The following CSMD1 variants were observed in gnomAD, a reference collection of about 807,000 sequenced individuals.
CSMD1 encodes CUB and sushi domain-containing protein 1.
A neutral mutation model predicts 417.5 loss-of-function variants in CSMD1; 213 were observed. The ratio of observed to expected loss-of-function variants is 0.51; its 90% confidence interval spans 0.46 to 0.57. The LOEUF (loss-of-function observed/expected upper bound fraction) is 0.57. Ranked by LOEUF, CSMD1 falls within the 20% of genes least tolerant of loss-of-function variation. CSMD1 has a pLI of 0.00. For synonymous variants in CSMD1, 2,862 were observed against 1,736.8 expected, an observed-to-expected ratio of 1.65 and a Z score of -16.11; for missense variants, 6,923 against 4,529.7, an observed-to-expected ratio of 1.53 and a Z score of -15.17.
chr8:3,402,816 T>A (rs1812120066), intron 15 of CSMD1, among the ~76,000 whole-genome samples: 1 of 152,116 alleles, frequency 6.6e-6, no homozygotes, highest in African/African-American at 2.4e-5. Context: ...ATTAATAGGA[T>A]CCTAATTTAT....
intron 6 of CSMD1, among the ~76,000 whole-genome samples, chr8:3,732,212 C>G (rs1796309683): frequency 6.6e-6 from 1 of 152,172 alleles, no homozygotes; most frequent in Non-Finnish European, 1.5e-5. Flanking sequence ...AGGACTCTAT[C>G]AATTTAGCAG....
chr8:4,362,967 A>T (rs892046430), intron 3 of CSMD1, among the ~76,000 whole-genome samples: 1 of 152,190 alleles, frequency 6.6e-6, no homozygotes, highest in Admixed American at 6.5e-5. Flanking sequence ...AATATCTAAA[A>T]ACTGCTATCA....
intron 3 of CSMD1, among the ~76,000 whole-genome samples, chr8:4,325,429 G>A (rs1799504877): frequency 6.6e-6 from 1 of 152,128 alleles, no homozygotes; most frequent in African/African-American, 2.4e-5. Context: ...ACAGAAGCCA[G>A]GCAATACATG....
At position 3,332,419 on chromosome 8, in the gene CSMD1, G is replaced by C. The variant is rs184627476; in HGVS notation, c.3631+10875C>G. ...AGGTGGGGCCTGAATTAGCTGGGAA[G>C]AGGAGAGGAGGGGCCTGGAAGGCCA... On this transcript the variant is annotated intron_variant, in intron 23 of 69. Coordinates refer to ENST00000635120, the MANE Select transcript of CSMD1 (RefSeq NM_033225.6). Among the ~76,000 whole-genome samples the C allele has an allele frequency of 2.8e-3, 434 of 152,360 alleles. 3 individuals are homozygous for C. Among genetic ancestry groups the C allele is most frequent in the African/African-American group, 0.01 (422 of 41,594 alleles).
intron 1 of CSMD1, among the ~76,000 whole-genome samples, chr8:4,798,554 GCTAAGGTGGAAAATAAA>G (rs1337578895): frequency 6.6e-6 from 1 of 152,158 alleles, no homozygotes; most frequent in Non-Finnish European, 1.5e-5. Flanking sequence ...TCACAGGCAA[GCTAAGGTGGAAAATAAA>G]CTCTCAAAAA....
At chr8:4,403,050 C>G (rs909926945) in intron 3 of CSMD1, among the ~76,000 whole-genome samples, 37 of 151,896 alleles carry the variant, frequency 2.4e-4, no homozygotes, top group Non-Finnish European at 4.0e-4. Flanking sequence ...CCAGGATGGT[C>G]TCAATCTCCT....
chr8:3,769,470 C>T (rs1159204461), intron 5 of CSMD1, among the ~76,000 whole-genome samples: 1 of 151,234 alleles, frequency 6.6e-6, no homozygotes, highest in African/African-American at 2.4e-5. Context: ...TGTTTTTCTT[C>T]CACAGTTGTT....
intron 5 of CSMD1, among the ~76,000 whole-genome samples, chr8:3,971,608 C>G (rs1278019075): frequency 6.6e-6 from 1 of 152,082 alleles, no homozygotes; most frequent in Non-Finnish European, 1.5e-5. Flanking sequence ...TTTTGACGGT[C>G]ACTTCTACTT....
At chr8:3,850,370 T>G (rs552032696) in intron 5 of CSMD1, among the ~76,000 whole-genome samples, 17 of 152,352 alleles carry the variant, frequency 1.1e-4, no homozygotes, top group African/African-American at 4.1e-4. Flanking sequence ...CTCTTTGTCC[T>G]GTAAGCACTG....
At chr8:3,604,149 C>A (rs1367457933) in intron 8 of CSMD1, among the ~76,000 whole-genome samples, 2 of 152,126 alleles carry the variant, frequency 1.3e-5, no homozygotes, top group Non-Finnish European at 2.9e-5. Flanking sequence ...AAACAAAGTT[C>A]TTCTCTCTAC....
At chr8:3,948,772 T>C (rs974216450) in intron 5 of CSMD1, among the ~76,000 whole-genome samples, 7 of 152,278 alleles carry the variant, frequency 4.6e-5, no homozygotes, top group African/African-American at 1.7e-4. Flanking sequence ...TTCTTCAATA[T>C]GACTATTACA....
intron 2 of CSMD1, among the ~76,000 whole-genome samples, chr8:4,547,079 T>A (rs778854005): frequency 5.3e-5 from 8 of 152,188 alleles, no homozygotes; most frequent in Non-Finnish European, 8.8e-5. Context: ...TGTCTATTTG[T>A]ATATTTCATA....
intron 37 of CSMD1, among the ~76,000 whole-genome samples, chr8:3,168,789 G>T (rs552418015): frequency 1.7e-4 from 25 of 151,306 alleles, no homozygotes; most frequent in Middle Eastern, 3.4e-3. Context: ...CTGTTGGCAG[G>T]TTTGACACAT....
chr8:3,060,548 G>C (rs1245584904), intron 49 of CSMD1, among the ~76,000 whole-genome samples: 1 of 152,170 alleles, frequency 6.6e-6, no homozygotes, highest in Non-Finnish European at 1.5e-5. Flanking sequence ...TAGGAAGTTA[G>C]ACTTGCTCAC....
rs757048804 is a variant in CSMD1, at chr8:3,730,094, C to G, written c.932-21603G>C. Among the ~76,000 whole-genome samples the G allele has an allele frequency of 4.6e-5, 7 of 152,074 alleles. 1 individual carries two copies. The highest frequency in any genetic ancestry group is 1.0e-4 in the Non-Finnish European group (7 of 68,020). ...TGATTCTGCTCTCACCCCAAAAGAA[C>G]TTTCCCGTTTGCAAAAGTAAACTAC... On this transcript the variant is annotated intron_variant, in intron 6 of 69. Transcript: ENST00000635120.
At chr8:4,413,882 G>A (rs1796786695) in intron 3 of CSMD1, among the ~76,000 whole-genome samples, 1 of 152,122 alleles carries the variant, frequency 6.6e-6, no homozygotes, top group African/African-American at 2.4e-5. Flanking sequence ...GGATACCTGG[G>A]TTTACCAGTC....
intron 3 of CSMD1, among the ~76,000 whole-genome samples, chr8:4,134,836 G>A (rs1803321111): frequency 6.6e-6 from 1 of 152,138 alleles, no homozygotes; most frequent in South Asian, 2.1e-4. Context: ...CTTGGCTGTT[G>A]AAAATCGTTT....
chr8:4,774,697 G>A (rs902829923), intron 1 of CSMD1, among the ~76,000 whole-genome samples: 1 of 152,120 alleles, frequency 6.6e-6, no homozygotes, highest in African/African-American at 2.4e-5. Context: ...TCATGGGGGT[G>A]GATCCTTCAT....
intron 8 of CSMD1, among the ~76,000 whole-genome samples, chr8:3,609,936 G>T (rs909091870): frequency 1.4e-5 from 2 of 147,506 alleles, no homozygotes; most frequent in Non-Finnish European, 1.5e-5. Flanking sequence ...CAAGTAGCTG[G>T]GACTACGGGC....
Sources: allele counts gnomAD v4.1 joint callset (sites outside exome capture counted in the v4.1 genomes callset), GRCh38; gene constraint gnomAD v4.1.1; transcripts MANE v1.5; gene names NCBI Gene and HGNC (gene_info 2026-07-23, HGNC 2026-07-21).